VAV1: variants seen among roughly 807,000 people sequenced by gnomAD.
VAV1 encodes the protein vav guanine nucleotide exchange factor 1, also known as proto-oncogene vav.
VAV1 carries 33 observed loss-of-function variants against 128.1 expected under a neutral mutation model. That is an observed-to-expected ratio of 0.26 (90% confidence interval 0.20 to 0.34). VAV1 has a LOEUF of 0.34. Among genes scored for constraint, VAV1 ranks in the 10% least tolerant of loss-of-function variants. The pLI is 1.00. For missense variants in VAV1, 715 were observed against 1,093.7 expected, an observed-to-expected ratio of 0.65 and a Z score of 4.88; for synonymous variants, 394 against 409.8, an observed-to-expected ratio of 0.96 and a Z score of 0.47.
intron 1 of VAV1, among the ~76,000 whole-genome samples, chr19:6,805,583 T>TACACACACACACAC (rs55732746): frequency 0.2 from 27,742 of 138,722 alleles, 3,354 homozygotes; most frequent in Admixed American, 0.28. Context: ...TTTCTACAGA[T>TACACACACACACAC]ACACACACAC....
In VAV1 at chr19:6,817,087, T is replaced by G. The variant is rs185423597; in HGVS notation, c.205-3615T>G. On this transcript the variant is annotated intron_variant, in intron 1 of 26. Transcript: ENST00000602142. ...TTTTGAGATGGAATCTCACTCTTGT[T>G]GCCCAGGCTGGAGTGCAGTGGGGAT... Among the ~76,000 whole-genome samples the G allele has an allele frequency of 5.0e-4, 76 of 151,940 alleles. No homozygotes were observed. The South Asian group carries it at 7.3e-3, about 15-fold the overall frequency.
At chr19:6,795,288 G>A (rs1461927020) in intron 1 of VAV1, among the ~76,000 whole-genome samples, 2 of 151,984 alleles carry the variant, frequency 1.3e-5, no homozygotes, top group Admixed American at 6.6e-5. Context: ...AACAAAGGAA[G>A]GGGATGAGTC....
At chr19:6,842,454 C>T (rs1212214339) in intron 21 of VAV1, among the ~76,000 whole-genome samples, 2 of 152,110 alleles carry the variant, frequency 1.3e-5, no homozygotes, top group African/African-American at 4.8e-5. Flanking sequence ...TGTATAGACA[C>T]GGCTGTGTTC....
intron 1 of VAV1, among the ~76,000 whole-genome samples, chr19:6,790,467 G>A (rs75181370): frequency 7.0e-4 from 107 of 152,288 alleles, no homozygotes; most frequent in African/African-American, 2.6e-3. Context: ...CAAGGTGTCT[G>A]CAGAGCTGTG....
At chr19:6,851,707 T>C (rs1972677832) in intron 24 of VAV1, among the ~76,000 whole-genome samples, 1 of 152,170 alleles carries the variant, frequency 6.6e-6, no homozygotes, top group South Asian at 2.1e-4. Context: ...TTCAACCATA[T>C]TTTAGACACT....
At chr19:6,856,670 G>A (rs911081798) in intron 26 of VAV1, among the ~76,000 whole-genome samples, 3 of 150,348 alleles carry the variant, frequency 2.0e-5, no homozygotes, top group Non-Finnish European at 2.9e-5. Flanking sequence ...GTTGCAATAA[G>A]CTGAGATTGC....
At chr19:6,804,976 C>A (rs1971358793) in intron 1 of VAV1, among the ~76,000 whole-genome samples, 1 of 151,796 alleles carries the variant, frequency 6.6e-6, no homozygotes, top group African/African-American at 2.4e-5. Context: ...CGTGAACCAC[C>A]CGCCTCAGCC....
chr19:6,781,515 C>T (rs1240840039), intron 1 of VAV1, among the ~76,000 whole-genome samples: 1 of 151,978 alleles, frequency 6.6e-6, no homozygotes, highest in Admixed American at 6.6e-5. Flanking sequence ...TGTTTAAGAG[C>T]TATTTATATT....
intron 1 of VAV1, among the ~76,000 whole-genome samples, chr19:6,779,762 T>C (rs796711643): frequency 6.7e-6 from 1 of 149,888 alleles, no homozygotes; most frequent in South Asian, 2.1e-4. Flanking sequence ...CCTATAATCC[T>C]AGCACTTTGG....
chr19:6,848,135 T>G, intron 23 of VAV1, 21 bp downstream of exon 23: 1 of 1,533,278 alleles, frequency 6.5e-7, no homozygotes, highest in Non-Finnish European at 8.7e-7. Context: ...TCTCCCTGAC[T>G]CATACCCTTT....
At chr19:6,779,997 G>A (rs1030267468) in intron 1 of VAV1, among the ~76,000 whole-genome samples, 2 of 148,796 alleles carry the variant, frequency 1.3e-5, no homozygotes, top group Admixed American at 1.3e-4. Context: ...TGTAGTCCCA[G>A]CTACTCGGGA....
chr19:6,790,110 G>A (rs1165167691), intron 1 of VAV1, among the ~76,000 whole-genome samples: 1 of 152,162 alleles, frequency 6.6e-6, no homozygotes, highest in East Asian at 1.9e-4. Flanking sequence ...CCCAGGAGGT[G>A]GAGGTTGCAG....
At chr19:6,840,280 T>C (rs531710227) in intron 21 of VAV1, among the ~76,000 whole-genome samples, 32 of 151,338 alleles carry the variant, frequency 2.1e-4, no homozygotes, top group African/African-American at 7.7e-4. Context: ...ATCCATGTTG[T>C]GGAATGTGTC....
chr19:6,811,689 G>T (rs774612756), intron 1 of VAV1, among the ~76,000 whole-genome samples: 1 of 152,068 alleles, frequency 6.6e-6, no homozygotes, highest in South Asian at 2.1e-4. Context: ...TGTAAGAATC[G>T]GCAAGAGAAG....
chr19:6,824,917 C>T lies in VAV1; in HGVS notation c.655-136C>T, dbSNP rs79980039. On this transcript the variant is annotated intron_variant, in intron 6 of 26. Transcript: ENST00000602142. ...TTATTATGAATAATTTCACTGTGAA[C>T]ATTCTTGTACAAGTTTTTGTGTGGA... 6.5e-4 allele frequency: 610 copies of T among 934,348 alleles called. 3 individuals are homozygous for T. In the African/African-American group the frequency reaches 9.1e-3, roughly 14 times the overall value. The allele number at this position is 934,348 out of a possible 1,614,324, so 57.9% of individuals were successfully genotyped here.
chr19:6,809,653 G>C (rs1214377512), intron 1 of VAV1, among the ~76,000 whole-genome samples: 1 of 152,092 alleles, frequency 6.6e-6, no homozygotes, highest in Non-Finnish European at 1.5e-5. Context: ...GTTTCAAGAG[G>C]AGATTGACAT....
chr19:6,840,872 C>T (rs1489564242), intron 21 of VAV1, among the ~76,000 whole-genome samples: 2 of 151,910 alleles, frequency 1.3e-5, no homozygotes, highest in Admixed American at 6.6e-5. Context: ...CTCAGCCTCC[C>T]GGGTTCAAGT....
intron 1 of VAV1, among the ~76,000 whole-genome samples, chr19:6,794,133 G>T (rs933976110): frequency 6.6e-6 from 1 of 151,952 alleles, no homozygotes; most frequent in African/African-American, 2.4e-5. Flanking sequence ...AACGGTAAAT[G>T]ATTTATTTAC....
chr19:6,850,116 G>T (rs1384982418), intron 23 of VAV1, among the ~76,000 whole-genome samples: 3 of 149,242 alleles, frequency 2.0e-5, no homozygotes, highest in African/African-American at 7.4e-5. Flanking sequence ...GTTATTTTTG[G>T]CTCCTGTGAA....
Sources: gnomAD v4.1 joint callset for allele counts (sites outside exome capture counted in the v4.1 genomes callset) on GRCh38, gnomAD v4.1.1 for gene constraint, MANE v1.5 for transcripts, NCBI Gene and HGNC (gene_info 2026-07-23, HGNC 2026-07-21) for gene names.